Variants in SLC35F3 observed in about 807,000 individuals in gnomAD.
SLC35F3 encodes putative thiamine transporter SLC35F3.
In SLC35F3, 25 loss-of-function variants were observed where a neutral mutation model predicts 49.9. The ratio of observed to expected loss-of-function variants is 0.50; its 90% CI spans 0.37 to 0.70. The LOEUF is 0.70. Ranked by LOEUF, SLC35F3 falls within the 30% of genes least tolerant of loss-of-function variation. SLC35F3 has a pLI of 0.00. For missense variants in SLC35F3, 525 were observed against 639.8 expected, an observed-to-expected ratio of 0.82 and a Z score of 1.94; for synonymous variants, 275 against 265.4, an observed-to-expected ratio of 1.04 and a Z score of -0.35.
intron 2 of SLC35F3, among the ~76,000 whole-genome samples, chr1:234,192,596 C>A (rs1666747410): frequency 6.6e-6 from 1 of 152,042 alleles, no homozygotes; most frequent in African/African-American, 2.4e-5. Context: ...CTAGCTAGAG[C>A]AATCAGACAA....
chr1:234,098,649 A>G (rs969397119), intron 2 of SLC35F3, among the ~76,000 whole-genome samples: 5 of 144,166 alleles, frequency 3.5e-5, no homozygotes, highest in Admixed American at 6.8e-5. Context: ...GGCAGTTCAG[A>G]TGGTGGTGGT....
chr1:234,103,099 G>A (rs1665236301), intron 2 of SLC35F3, among the ~76,000 whole-genome samples: 1 of 152,148 alleles, frequency 6.6e-6, no homozygotes, highest in Admixed American at 6.6e-5. Flanking sequence ...GGTGAATAAG[G>A]CAAAAAAGAC....
intron 2 of SLC35F3, among the ~76,000 whole-genome samples, chr1:234,130,619 T>TGGAA (rs1558237437): frequency 6.4e-5 from 9 of 140,368 alleles, no homozygotes; most frequent in African/African-American, 2.4e-4. Context: ...CCAGCCCAGG[T>TGGAA]GACAGAGAGA....
intron 2 of SLC35F3, among the ~76,000 whole-genome samples, chr1:234,227,945 C>T (rs961405151): frequency 6.6e-6 from 1 of 152,170 alleles, no homozygotes; most frequent in Non-Finnish European, 1.5e-5. Flanking sequence ...GCATTTGTTG[C>T]ATTTCCAATA....
chr1:233,933,641 G>A (rs1403579322), intron 2 of SLC35F3, among the ~76,000 whole-genome samples: 4 of 152,116 alleles, frequency 2.6e-5, no homozygotes, highest in South Asian at 2.1e-4. Flanking sequence ...ACTTGAGGCC[G>A]GGAGTTCAAG....
intron 3 of SLC35F3, among the ~76,000 whole-genome samples, chr1:234,258,474 A>C (rs941299499): frequency 6.6e-6 from 1 of 152,254 alleles, no homozygotes; most frequent in Non-Finnish European, 1.5e-5. Flanking sequence ...GTAAACAATG[A>C]CTAGTTATCA....
At chr1:234,179,656 A>C (rs1666528075) in intron 2 of SLC35F3, among the ~76,000 whole-genome samples, 1 of 152,204 alleles carries the variant, frequency 6.6e-6, no homozygotes, top group Admixed American at 6.5e-5. Context: ...ATCAGCACTG[A>C]GTTGAAACAC....
intron 2 of SLC35F3, among the ~76,000 whole-genome samples, chr1:234,229,161 T>C (rs1667330693): frequency 6.6e-6 from 1 of 152,242 alleles, no homozygotes; most frequent in South Asian, 2.1e-4. Flanking sequence ...TGACCCTGAA[T>C]ATTCCTACAG....
chr1:234,093,489 C>T (rs1665074355), intron 2 of SLC35F3, among the ~76,000 whole-genome samples: 1 of 152,242 alleles, frequency 6.6e-6, no homozygotes, highest in Admixed American at 6.5e-5. Flanking sequence ...TGTTTACTAT[C>T]AGTCCTTTCA....
intron 2 of SLC35F3, among the ~76,000 whole-genome samples, chr1:234,075,783 G>T (rs1248429247): frequency 6.7e-6 from 1 of 150,342 alleles, no homozygotes; most frequent in African/African-American, 2.5e-5. Context: ...TCCTAAGCAG[G>T]TAGCTACAGA....
chr1:234,226,454 G>T (rs1033996135), intron 2 of SLC35F3, among the ~76,000 whole-genome samples: 1 of 151,030 alleles, frequency 6.6e-6, no homozygotes, highest in Non-Finnish European at 1.5e-5. Context: ...AAACATTATT[G>T]GTCTCTTGAA....
intron 2 of SLC35F3, among the ~76,000 whole-genome samples, chr1:233,947,330 A>G (rs1006486655): frequency 2.6e-5 from 4 of 152,060 alleles, no homozygotes; most frequent in African/African-American, 9.7e-5. Context: ...TCCCTGAAAC[A>G]GTAAGAGGGA....
intron 2 of SLC35F3, among the ~76,000 whole-genome samples, chr1:234,161,684 T>A (rs1666229983): frequency 6.6e-6 from 1 of 152,110 alleles, no homozygotes; most frequent in Non-Finnish European, 1.5e-5. Flanking sequence ...CATGCACCTG[T>A]TGTCTTAGCT....
chr1:234,298,143 T>G (rs575952216), intron 3 of SLC35F3, among the ~76,000 whole-genome samples: 2 of 152,222 alleles, frequency 1.3e-5, no homozygotes, highest in Non-Finnish European at 2.9e-5. Context: ...AAGACAGGTT[T>G]TTTTTGAGAA....
chr1:234,304,500 T>C (rs992959259), intron 3 of SLC35F3, among the ~76,000 whole-genome samples: 41 of 152,224 alleles, frequency 2.7e-4, no homozygotes, highest in Non-Finnish European at 4.3e-4. Flanking sequence ...CCATTTGTTC[T>C]TGTTTCATAG....
At chr1:233,927,941 T>C (rs1662185509) in intron 2 of SLC35F3, among the ~76,000 whole-genome samples, 1 of 152,170 alleles carries the variant, frequency 6.6e-6, no homozygotes, top group Admixed American at 6.6e-5. Flanking sequence ...ATTCTGAAAA[T>C]CATATCTTAT....
At chr1:233,987,200 G>A (rs923218848) in intron 2 of SLC35F3, among the ~76,000 whole-genome samples, 1 of 152,136 alleles carries the variant, frequency 6.6e-6, no homozygotes, top group Non-Finnish European at 1.5e-5. Context: ...TGAGGCACAA[G>A]AATCACTTGA....
At chr1:233,970,979 G>T (rs142536198) in intron 2 of SLC35F3, among the ~76,000 whole-genome samples, 1 of 152,320 alleles carries the variant, frequency 6.6e-6, no homozygotes, top group African/African-American at 2.4e-5. Context: ...GGCACTGAAT[G>T]AGAAGAATTG....
chr1:234,267,892 C>G (rs1359550933), intron 3 of SLC35F3, among the ~76,000 whole-genome samples: 2 of 101,084 alleles, frequency 2.0e-5, no homozygotes, highest in African/African-American at 4.6e-5. Context: ...ACATCTCAGA[C>G]GATGGGCTGC....
Sources: gnomAD v4.1 joint callset for allele counts (sites outside exome capture counted in the v4.1 genomes callset) on GRCh38, gnomAD v4.1.1 for gene constraint, MANE v1.5 for transcripts, NCBI Gene and HGNC (gene_info 2026-07-23, HGNC 2026-07-21) for gene names.